MET: variants seen among roughly 807,000 people sequenced by gnomAD.
MET encodes the protein hepatocyte growth factor receptor.
Under a neutral mutation model 133.1 loss-of-function variants are expected in MET, and 48 were observed. The ratio of observed to expected loss-of-function variants is 0.36; its 90% confidence interval spans 0.29 to 0.46. The LOEUF (loss-of-function observed/expected upper bound fraction) is 0.46. MET is among the 20% of genes least tolerant of loss of function. MET has a pLI of 1.00. For missense variants in MET, 1,442 were observed against 1,695.9 expected (o/e 0.85, Z 2.63); for synonymous variants, 628 against 616.5 (o/e 1.02, Z -0.28).
chr7:116,777,585 G>T, intron 16 of MET, 116 bp downstream of exon 16: 1 of 975,834 alleles, frequency 1.0e-6, no homozygotes. Context: ...AGCTACCACT[G>T]AAATTATGGG....
intron 6 of MET, 101 bp from the exon 7 acceptor site, chr7:116,757,336 A>G (rs1794215608): frequency 1.1e-6 from 1 of 902,906 alleles, no homozygotes; most frequent in African/African-American, 1.6e-5. Context: ...TATTCAAAGC[A>G]GTCAGCTCAC....
Position 116,699,340 on chromosome 7 carries a change from A to G in MET, c.256A>G (p.Thr86Ala). The G allele has an allele frequency of 1.2e-6, 2 of 1,614,066 alleles. No homozygotes were observed. The highest frequency in any genetic ancestry group is 1.7e-6 in the Non-Finnish European group (2 of 1,179,956). Residue 86 changes from threonine (T) to alanine (A), a missense_variant, in exon 2 of 21, where the codon ACT becomes GCT. Coordinates refer to ENST00000397752, the MANE Select transcript of MET (RefSeq NM_000245.4). The part of the protein sequence containing the change: ...EDLQKVAEYK[T>A]GPVLEHPDCF... Reference sequence around the variant, plus strand: ...CCTTCAGAAGGTTGCTGAGTACAAGACTGGGCCTGTGCTGGAACACCCAGA... The same window carrying G: ...CCTTCAGAAGGTTGCTGAGTACAAGGCTGGGCCTGTGCTGGAACACCCAGA...
At position 116,775,071 on chromosome 7, in the gene MET, C is replaced by G. The variant is rs1794954190; in HGVS notation, c.3219C>G (p.Pro1073=). 1 of 1,614,038 alleles carries G rather than the reference C, an allele frequency of 6.2e-7. No individual in the cohort carries two copies. The highest frequency in any genetic ancestry group is 8.5e-7 in the Non-Finnish European group (1 of 1,180,006). Residue 1073 remains proline (P), a synonymous_variant, in exon 15 of 21, where the codon CCC becomes CCG. Coordinates refer to ENST00000397752, the MANE Select transcript of MET (RefSeq NM_000245.4). Reference sequence around the variant, plus strand: ...CAGTGCAGCATGTAGTGATTGGGCCCAGTAGCCTGATTGTGCATTTCAATG... The same window carrying G: ...CAGTGCAGCATGTAGTGATTGGGCCGAGTAGCCTGATTGTGCATTTCAATG... ...VQAVQHVVIG[P]SSLIVHFNEV...
rs2117030585 is a variant in MET at position 116,774,966 on chromosome 7, G to A, written c.3114G>A (p.Gly1038=). The change falls in exon 15 of 21, where the codon GGG becomes GGA. Residue 1038 remains glycine, a synonymous_variant. Coordinates refer to ENST00000397752, the MANE Select transcript of MET (RefSeq NM_000245.4). ...LTDMSPILTS[G]DSDISSPLLQ... ...ACATGTCCCCCATCCTAACTAGTGG[G>A]GACTCTGATATATCCAGTCCATTAC... The A allele has an allele frequency of 1.2e-6, 2 of 1,614,098 alleles. No individual in the cohort carries two copies. The highest frequency in any genetic ancestry group is 1.7e-6 in the Non-Finnish European group (2 of 1,179,992).
chr7:116,767,253 C>T (rs1351442838), intron 11 of MET, among the ~76,000 whole-genome samples: 3 of 152,124 alleles, frequency 2.0e-5, no homozygotes, highest in African/African-American at 7.2e-5. Context: ...CATGAGTCCC[C>T]GGGTGTGAAT....
At chr7:116,715,563 C>T (rs575043475) in intron 2 of MET, among the ~76,000 whole-genome samples, 17 of 145,006 alleles carry the variant, frequency 1.2e-4, no homozygotes, top group Non-Finnish European at 2.1e-4. Context: ...ATCTGACTTT[C>T]CAGGTGGACA....
At chr7:116,698,923 T>C (rs1797058916) in intron 1 of MET, 148 bp from the exon 2 acceptor site, 2 of 1,069,044 alleles carry the variant, frequency 1.9e-6, no homozygotes. Context: ...TGCATCTTTA[T>C]GTGAAACTTG....
chr7:116,714,723 A>G (rs1035285721), intron 2 of MET, among the ~76,000 whole-genome samples: 5 of 148,528 alleles, frequency 3.4e-5, no homozygotes, highest in African/African-American at 1.2e-4. Flanking sequence ...CCCTTTTTAT[A>G]CAGTTAAACA....
At chr7:116,792,337 C>T in intron 19 of MET, among the ~76,000 whole-genome samples, 1 of 152,074 alleles carries the variant, frequency 6.6e-6, no homozygotes, top group East Asian at 1.9e-4. Context: ...TTGACCAATG[C>T]CATACAGTAA....
intron 5 of MET, among the ~76,000 whole-genome samples, chr7:116,750,358 T>G (rs1584933116): frequency 6.6e-6 from 1 of 152,146 alleles, no homozygotes; most frequent in African/African-American, 2.4e-5. Context: ...ATAAATGATG[T>G]TGGGAAAACT....
chr7:116,772,248 A>G (rs893784444), intron 14 of MET, among the ~76,000 whole-genome samples: 1 of 152,214 alleles, frequency 6.6e-6, no homozygotes, highest in Admixed American at 6.5e-5. Context: ...TAATTTGTTT[A>G]TCATCTAAGT....
At chr7:116,718,359 G>C (rs1792327185) in intron 2 of MET, among the ~76,000 whole-genome samples, 1 of 152,000 alleles carries the variant, frequency 6.6e-6, no homozygotes, top group Non-Finnish European at 1.5e-5. Flanking sequence ...CTGCACTCCA[G>C]CCTCGGCGAC....
rs749730267 is a variant in MET at position 116,763,178 on chromosome 7, T to G, written c.2493T>G (p.Phe831Leu). 1.2e-6 allele frequency: 2 copies of G among 1,614,096 alleles called. No homozygotes were observed. Among genetic ancestry groups the G allele is most frequent in the Admixed American group, 1.7e-5 (1 of 60,006 alleles). The change falls in exon 11 of 21, where the codon TTT becomes TTG. Residue 831 changes from phenylalanine to leucine, a missense_variant. Transcript: ENST00000397752. ...FMLDGILSKY[F>L]DLIYVHNPVF... is the part of the protein sequence containing the mutation. ...TAGATGGGATCCTTTCCAAATACTT[T>G]GATCTCATTTATGTACATAATCCTG...
chr7:116,704,603 C>T (rs1037760424), intron 2 of MET, among the ~76,000 whole-genome samples: 11 of 151,876 alleles, frequency 7.2e-5, no homozygotes, highest in Non-Finnish European at 1.5e-5. Context: ...GACCTACCTC[C>T]ATAATGGTTA....
At chr7:116,703,805 T>C (rs1022160287) in intron 2 of MET, among the ~76,000 whole-genome samples, 1 of 152,174 alleles carries the variant, frequency 6.6e-6, no homozygotes, top group Non-Finnish European at 1.5e-5. Flanking sequence ...CCCTAAGTTA[T>C]AGAATATTTA....
In MET at chr7:116,769,805, A is replaced by G; in HGVS notation, c.2730+14A>G. 6.2e-7 allele frequency: 1 copy of G among 1,613,616 alleles called. No homozygotes were observed. The highest frequency in any genetic ancestry group is 1.3e-5 in the African/African-American group (1 of 75,014). ...CTAAATATAGAGGTGGGATTCCTGC[A>G]TTCCTCTCATGATGTAAATAAGGAA... On this transcript the variant is annotated intron_variant, in intron 12 of 20. Transcript: ENST00000397752.
chr7:116,716,477 G>GAAAGAAAGAAAGAAAGA (rs1562893331), intron 2 of MET, among the ~76,000 whole-genome samples: 11 of 99,804 alleles, frequency 1.1e-4, no homozygotes, highest in African/African-American at 4.9e-4. Context: ...GAGAAAGAAA[G>GAAAGAAAGAAAGAAAGA]AAAGAAAGAA....
intron 2 of MET, among the ~76,000 whole-genome samples, chr7:116,722,221 T>A (rs1792520261): frequency 6.6e-6 from 1 of 151,464 alleles, no homozygotes; most frequent in African/African-American, 2.4e-5. Flanking sequence ...GTTGAATTGA[T>A]CCCTTTACCA....
chr7:116,702,298 G>A (rs1404073539), intron 2 of MET, among the ~76,000 whole-genome samples: 1 of 152,144 alleles, frequency 6.6e-6, no homozygotes, highest in East Asian at 1.9e-4. Flanking sequence ...AAATTCCATA[G>A]ACAAATACCT....
Sources: gnomAD v4.1 joint callset for allele counts (sites outside exome capture counted in the v4.1 genomes callset) on GRCh38, gnomAD v4.1.1 for gene constraint, MANE v1.5 for transcripts, NCBI Gene and HGNC (gene_info 2026-07-23, HGNC 2026-07-21) for gene names.